The following NSA2 variants were observed in gnomAD, a reference collection of about 807,000 sequenced individuals.
NSA2 encodes NSA2 ribosome biogenesis factor.
A neutral mutation model predicts 34.8 loss-of-function variants in NSA2; 18 were observed. The observed-to-expected ratio is 0.52, with a 90% CI of 0.36 to 0.77. The LOEUF (loss-of-function observed/expected upper bound fraction) is 0.77. Among genes scored for constraint, NSA2 ranks in the 30% least tolerant of loss-of-function variants. The pLI, the probability that NSA2 is intolerant of heterozygous loss-of-function variation, is 0.00. For missense variants in NSA2, 188 were observed against 314.7 expected, an observed-to-expected ratio of 0.60 and a Z score of 3.05; for synonymous variants, 79 against 100.2, an observed-to-expected ratio of 0.79 and a Z score of 1.26.
Position 74,769,315 on chromosome 5 carries a change from G to C in NSA2, c.293G>C (p.Arg98Pro). ...CTGCTGGACAGAGAGGGACAATCTC[G>C]AGCTAAAGTACTTTCCAATATGATT... The part of the protein sequence containing the change: ...AYLLDREGQS[R>P]AKVLSNMIKQ... The change falls in exon 3 of 6, where the codon CGA becomes CCA. Residue 98 changes from arginine (R) to proline (P), a missense_variant. By Grantham distance (103) the Arg-to-Pro change is moderately radical. Coordinates refer to ENST00000610426, the MANE Select transcript of NSA2 (RefSeq NM_014886.6). 1 of 1,613,268 alleles carries C rather than the reference G, an allele frequency of 6.2e-7. No homozygotes were observed. Among genetic ancestry groups the C allele is most frequent in the Non-Finnish European group, 8.5e-7 (1 of 1,179,702 alleles).
At chr5:74,774,147 G>C (rs935413521) in intron 5 of NSA2, 87 bp downstream of exon 5, 1 of 929,840 alleles carries the variant, frequency 1.1e-6, no homozygotes, top group Admixed American at 2.3e-5. Flanking sequence ...AAAATATACA[G>C]CAAATTTTTT....
chr5:74,769,312 C>A lies in NSA2; in HGVS notation c.290C>A (p.Ser97Tyr), dbSNP rs1224787412. Residue 97 changes from serine (S) to tyrosine (Y), a missense_variant, in exon 3 of 6, where the codon TCT (serine) becomes TAT (tyrosine). Transcript: ENST00000610426. ...TATCTGCTGGACAGAGAGGGACAAT[C>A]TCGAGCTAAAGTACTTTCCAATATG... is the stretch of plus-strand genomic sequence containing the variant. ...PAYLLDREGQ[S>Y]RAKVLSNMIK... is the part of the protein sequence containing the mutation. 1.2e-6 allele frequency: 2 copies of A among 1,613,398 alleles called. No homozygotes were observed.
chr5:74,768,818 A>C (rs1286675990), intron 1 of NSA2, 113 bp from the exon 2 acceptor site: 1 of 773,852 alleles, frequency 1.3e-6, no homozygotes, highest in Non-Finnish European at 2.0e-6. Context: ...AGAATCATTT[A>C]AGTAAGTGAA....
rs2112433529 is a variant in NSA2, at chr5:74,777,862, A to G, written c.*1191A>G. 6.6e-6 allele frequency: 1 copy of G among 152,218 alleles called. No individual in the cohort carries two copies. The highest frequency in any genetic ancestry group is 2.4e-5 in the African/African-American group (1 of 41,576). The allele number at this position is 152,218 out of a possible 1,614,324, so 9.4% of individuals were successfully genotyped here. ...TCTGAATAATGTAACATTTTTTCTA[A>G]GTTCTATAAATATATACTGGAAGTT... On this transcript the variant is annotated 3_prime_UTR_variant, in exon 6 of 6. Coordinates refer to ENST00000610426, the MANE Select transcript of NSA2 (RefSeq NM_014886.6).
chr5:74,771,984 C>T (rs1744950095), intron 4 of NSA2, among the ~76,000 whole-genome samples: 1 of 152,050 alleles, frequency 6.6e-6, no homozygotes, highest in South Asian at 2.1e-4. Flanking sequence ...TGGGGAGAAA[C>T]ATAGTTGAAG....
intron 4 of NSA2, chr5:74,771,360 T>C (rs79355731): frequency 6.6e-6 from 1 of 152,196 alleles, no homozygotes; most frequent in African/African-American, 2.4e-5. Flanking sequence ...AATTCTGACT[T>C]TTAAACATGA....
At chr5:74,772,480 T>A (rs1744976157) in intron 4 of NSA2, among the ~76,000 whole-genome samples, 1 of 152,166 alleles carries the variant, frequency 6.6e-6, no homozygotes, top group Admixed American at 6.5e-5. Context: ...TAAATAAAAT[T>A]TTAATGGAAC....
chr5:74,770,580 C>T, intron 3 of NSA2, 51 bp from the exon 4 acceptor site: 1 of 1,351,472 alleles, frequency 7.4e-7, no homozygotes, highest in Non-Finnish European at 1.0e-6. Flanking sequence ...TTGACTTATT[C>T]TCATTGTCCT....
chr5:74,767,351 G>C lies in NSA2; in HGVS notation c.-10G>C. On this transcript the variant is annotated 5_prime_UTR_variant, in exon 1 of 6. Coordinates refer to ENST00000610426, the MANE Select transcript of NSA2 (RefSeq NM_014886.6). Reference sequence around the variant, plus strand: ...CAGCGGCTGCTCCTGGCGGCTCTGCGGCCGTCACCATGGTAAGGAGGATGC... The same window carrying C: ...CAGCGGCTGCTCCTGGCGGCTCTGCCGCCGTCACCATGGTAAGGAGGATGC... The C allele has an allele frequency of 6.2e-7, 1 of 1,613,300 alleles. No individual in the cohort carries two copies. Among genetic ancestry groups the C allele is most frequent in the Non-Finnish European group, 8.5e-7 (1 of 1,179,674 alleles).
chr5:74,776,510 A>T lies in NSA2; in HGVS notation c.716-94A>T, dbSNP rs1745128767. 3 of 705,310 alleles carry T rather than the reference A, an allele frequency of 4.3e-6. No homozygotes were observed. The South Asian group carries it at 4.8e-5, about 11-fold the overall frequency. The allele number at this position is 705,310 out of a possible 1,614,324, so 43.7% of individuals were successfully genotyped here. ...AAGAGTGAAACCCTGTATTAAGACA[A>T]AAAGAAAAAAAAGGCAAAAGTTATA... On this transcript the variant is annotated intron_variant, in intron 5 of 5. Transcript: ENST00000610426.
chr5:74,770,867 T>C (rs781512042), intron 4 of NSA2, 57 bp downstream of exon 4: 57 of 1,232,304 alleles, frequency 4.6e-5, no homozygotes, highest in Non-Finnish European at 6.2e-5. Flanking sequence ...TTAAATCGGA[T>C]AAAGAACATT....
In NSA2 at chr5:74,768,990, T is replaced by C. The variant is rs1285103402; in HGVS notation, c.63T>C (p.His21=). ...RKRYGYRLDY[H]EKKRKKESRE... is the part of the protein sequence containing the mutation. Reference sequence around the variant, plus strand: ...GCTATGGATACCGTTTGGATTACCATGAGAAAAAGAGAAAGAAGGAAAGTC... The same window carrying C: ...GCTATGGATACCGTTTGGATTACCACGAGAAAAAGAGAAAGAAGGAAAGTC... The change falls in exon 2 of 6, where the codon CAT becomes CAC. Residue 21 remains histidine (H), a synonymous_variant. Coordinates refer to ENST00000610426, the MANE Select transcript of NSA2 (RefSeq NM_014886.6). 3 of 1,609,778 alleles carry C rather than the reference T, an allele frequency of 1.9e-6. No individual in the cohort carries two copies. The African/African-American group carries it at 4.0e-5, about 22-fold the overall frequency.
In NSA2 at chr5:74,779,790, T is replaced by C. The variant is rs916181621; in HGVS notation, c.*3119T>C. 1 of 152,200 alleles carries C rather than the reference T, an allele frequency of 6.6e-6. No homozygotes were observed. The highest frequency in any genetic ancestry group is 2.1e-4 in the South Asian group (1 of 4,832). The allele number at this position is 152,200 out of a possible 1,614,324, so 9.4% of individuals were successfully genotyped here. On this transcript the variant is annotated 3_prime_UTR_variant, in exon 6 of 6. Transcript: ENST00000610426. ...CAAATAGGAGCGTTTACTATTTTTG[T>C]CTGCTTTAAGATTTTAACTTGATCG...
chr5:74,779,471 A>C lies in NSA2; in HGVS notation c.*2800A>C, dbSNP rs948756711. 12 of 152,186 alleles carry C rather than the reference A, an allele frequency of 7.9e-5. No individual in the cohort carries two copies. The highest frequency in any genetic ancestry group is 2.9e-4 in the African/African-American group (12 of 41,458). 9.4% of individuals were successfully genotyped at this position (152,186 alleles called of 1,614,324 possible). On this transcript the variant is annotated 3_prime_UTR_variant, in exon 6 of 6. Transcript: ENST00000610426. ...TCCAAGTAAAAATAAAATATCTACA[A>C]GTGTTTTCAAATCTAAGAAATGAAA...
intron 5 of NSA2, among the ~76,000 whole-genome samples, chr5:74,775,668 G>A (rs760492685): frequency 1.3e-5 from 2 of 150,264 alleles, no homozygotes; most frequent in African/African-American, 4.9e-5. Context: ...TTATTACAAG[G>A]GAAGCAGATG....
rs774525211 is a variant in NSA2 at position 74,777,266 on chromosome 5, T to C, written c.*595T>C. ...TAATAATACCTACTTGGCACTATTT[T>C]CTACTTGAATCATGAAAATGAAAAA... On this transcript the variant is annotated 3_prime_UTR_variant, in exon 6 of 6. Transcript: ENST00000610426. 1 of 152,178 alleles carries C rather than the reference T, an allele frequency of 6.6e-6. No individual in the cohort carries two copies. The highest frequency in any genetic ancestry group is 6.5e-5 in the Admixed American group (1 of 15,272). The allele number at this position is 152,178 out of a possible 1,614,324, so 9.4% of individuals were successfully genotyped here.
At chr5:74,775,939 ATGT>A (rs1183896182) in intron 5 of NSA2, among the ~76,000 whole-genome samples, 1 of 152,142 alleles carries the variant, frequency 6.6e-6, no homozygotes, top group Non-Finnish European at 1.5e-5. Flanking sequence ...GTTTTAAAAT[ATGT>A]TGTTACCTTG....
At chr5:74,768,126 C>T (rs1744767992) in intron 1 of NSA2, among the ~76,000 whole-genome samples, 1 of 152,174 alleles carries the variant, frequency 6.6e-6, no homozygotes, top group Non-Finnish European at 1.5e-5. Flanking sequence ...TTTTGGAAAA[C>T]GGTCTGGCAG....
intron 3 of NSA2, among the ~76,000 whole-genome samples, chr5:74,770,331 TAAAA>T: frequency 9.8e-6 from 1 of 101,532 alleles, no homozygotes; most frequent in African/African-American, 3.5e-5. Flanking sequence ...AGACTCCATC[TAAAA>T]AAAAAAAAAA....
Sources: gnomAD v4.1 joint callset for allele counts (sites outside exome capture counted in the v4.1 genomes callset) on GRCh38, gnomAD v4.1.1 for gene constraint, MANE v1.5 for transcripts, NCBI Gene and HGNC (gene_info 2026-07-23, HGNC 2026-07-21) for gene names.